Variants in SNX14 observed in about 807,000 individuals in gnomAD.
The protein encoded by SNX14 is sorting nexin 14, also known as sorting nexin-14.
SNX14 carries 93 observed loss-of-function variants against 133.8 expected under a neutral mutation model. The observed-to-expected ratio is 0.70, with a 90% CI of 0.59 to 0.83. The LOEUF (loss-of-function observed/expected upper bound fraction) is 0.83, where lower values mean the gene tolerates loss of function less well. Ranked by LOEUF, SNX14 falls within the 40% of genes least tolerant of loss-of-function variation. SNX14 has a pLI of 0.00. For synonymous variants in SNX14, 368 were observed against 365.6 expected, an observed-to-expected ratio of 1.01 and a Z score of -0.07; for missense variants, 945 against 1,094.9, an observed-to-expected ratio of 0.86 and a Z score of 1.93.
intron 26 of SNX14, chr6:85,508,316 G>T (rs1771469635): frequency 4.1e-6 from 4 of 978,894 alleles, no homozygotes; most frequent in Non-Finnish European, 3.7e-6. Context: ...GAGAAATGCT[G>T]CAGTAAAAAA....
At chr6:85,591,437 T>G (rs990092075) in intron 1 of SNX14, among the ~76,000 whole-genome samples, 1 of 152,134 alleles carries the variant, frequency 6.6e-6, no homozygotes, top group Non-Finnish European at 1.5e-5. Context: ...CCAAAACATA[T>G]GCAAAAACAG....
At position 85,514,579 on chromosome 6, in the gene SNX14, C is replaced by T. The variant is rs1396775083; in HGVS notation, c.2319G>A (p.Glu773=). The change falls in exon 24 of 29, where the codon GAG becomes GAA. Residue 773 remains glutamate, a synonymous_variant. Coordinates refer to ENST00000314673, the MANE Select transcript of SNX14 (RefSeq NM_153816.6). The part of the protein sequence containing the change: ...KNNANRAENT[E]RKQNQNYFME... The stretch of plus-strand genomic sequence containing the variant: ...TAAAATAATTCTGATTTTGCTTTCT[C>T]TCTGTATTTTCAGCACGGTTTGCAT... The T allele has an allele frequency of 9.9e-6, 16 of 1,613,096 alleles. No individual in the cohort carries two copies. Among genetic ancestry groups the T allele is most frequent in the Admixed American group, 1.7e-5 (1 of 59,998 alleles).
intron 27 of SNX14, 34 bp downstream of exon 27, chr6:85,507,934 C>A (rs778837299): frequency 3.2e-6 from 5 of 1,581,522 alleles, no homozygotes; most frequent in Non-Finnish European, 4.3e-6. Flanking sequence ...CCAAACCTAG[C>A]CAGCATGAGT....
intron 17 of SNX14, 110 bp downstream of exon 17, chr6:85,536,682 A>G (rs9450293): frequency 0.021 from 21,179 of 1,026,172 alleles, 263 homozygotes; most frequent in Middle Eastern, 0.034. Context: ...GTAAAGTATT[A>G]AACAGAATAC....
At chr6:85,562,531 T>C (rs1216366146) in intron 6 of SNX14, among the ~76,000 whole-genome samples, 1 of 152,070 alleles carries the variant, frequency 6.6e-6, no homozygotes, top group Non-Finnish European at 1.5e-5. Context: ...TCTTTTCAGT[T>C]TTACTTTTTA....
chr6:85,539,084 A>G (rs934131873), intron 15 of SNX14, among the ~76,000 whole-genome samples: 1 of 152,218 alleles, frequency 6.6e-6, no homozygotes, highest in Non-Finnish European at 1.5e-5. Context: ...TGAAGTCTAC[A>G]TTACTAAAAA....
intron 16 of SNX14, among the ~76,000 whole-genome samples, chr6:85,538,490 T>TA (rs1444747597): frequency 3.9e-5 from 6 of 152,138 alleles, no homozygotes; most frequent in Non-Finnish European, 8.8e-5. Context: ...ATACTTATTT[T>TA]AAAAAAAGTT....
chr6:85,548,210 A>G (rs748595343), intron 9 of SNX14, 91 bp downstream of exon 9: 4 of 878,362 alleles, frequency 4.6e-6, no homozygotes, highest in Non-Finnish European at 7.1e-6. Context: ...TGTTTTCAGT[A>G]TCACTGACTA....
At chr6:85,579,059 AC>A (rs1034552086) in intron 1 of SNX14, among the ~76,000 whole-genome samples, 44 of 152,036 alleles carry the variant, frequency 2.9e-4, no homozygotes, top group African/African-American at 1.1e-3. Context: ...AATCATTTGA[AC>A]CCAGGAGGCA....
rs13218969 is a variant in SNX14, at chr6:85,520,033, T to C, written c.2108-1985A>G. Among the ~76,000 whole-genome samples the C allele has an allele frequency of 1.5e-3, 222 of 151,870 alleles. 1 individual carries two copies. The highest frequency in any genetic ancestry group is 0.014 in the Middle Eastern group (4 of 294). On this transcript the variant is annotated intron_variant, in intron 21 of 28. Transcript: ENST00000314673. ...TTTTATACAGTAGTAGTAGTAGTAG[T>C]AGTAGTAGCAGTAGTAGTAGTAGTA...
intron 7 of SNX14, among the ~76,000 whole-genome samples, chr6:85,556,098 G>A (rs1355333740): frequency 6.6e-6 from 1 of 152,110 alleles, no homozygotes; most frequent in Non-Finnish European, 1.5e-5. Context: ...AATGTAAGAT[G>A]TTAATACTAG....
chr6:85,514,058 G>A lies in SNX14; in HGVS notation c.2557+12C>T, dbSNP rs778751594. 8.1e-6 allele frequency: 13 copies of A among 1,595,954 alleles called. No individual in the cohort carries two copies. Among genetic ancestry groups the A allele is most frequent in the Non-Finnish European group, 1.0e-5 (12 of 1,174,270 alleles). On this transcript the variant is annotated intron_variant, in intron 25 of 28. Transcript: ENST00000314673. Reference sequence around the variant, plus strand: ...CACAAAATATGAAACAAACACATTAGAAAATACAAACCTCTGAGAAGTGTT... The same window carrying A: ...CACAAAATATGAAACAAACACATTAAAAAATACAAACCTCTGAGAAGTGTT...
intron 12 of SNX14, among the ~76,000 whole-genome samples, chr6:85,544,628 G>C (rs1784905207): frequency 6.6e-6 from 1 of 152,192 alleles, no homozygotes; most frequent in African/African-American, 2.4e-5. Context: ...GTGAGACTCA[G>C]TCTCTACAAA....
chr6:85,558,042 T>A lies in SNX14; in HGVS notation c.568A>T (p.Ile190Leu). 2 of 1,567,212 alleles carry A rather than the reference T, an allele frequency of 1.3e-6. No individual in the cohort carries two copies. The highest frequency in any genetic ancestry group is 1.7e-6 in the Non-Finnish European group (2 of 1,143,580). Reference sequence around the variant, plus strand: ...GCTGCTTTTAATAGTTTCTTGGTTATAATAGATGGAATATCCACCTAGAAA... The same window carrying A: ...GCTGCTTTTAATAGTTTCTTGGTTAAAATAGATGGAATATCCACCTAGAAA... ...RIHKVDIPSI[I>L]TKKLLKAAMK... Residue 190 changes from isoleucine (I) to leucine (L), a missense_variant, in exon 7 of 29, where the codon ATA becomes TTA. This residue lies in a region of SNX14 where 514 missense variants were observed against 538.8 expected (regional missense o/e 0.95). Coordinates refer to ENST00000314673, the MANE Select transcript of SNX14 (RefSeq NM_153816.6).
rs368963076 is a variant in SNX14, at chr6:85,582,458, A to C, written c.141-8080T>G. Reference sequence around the variant, plus strand: ...ACTGAAGGAGATAGAGACACACACAAAAAAAACCTTCAAAAAAGCAATGGA... The same window carrying C: ...ACTGAAGGAGATAGAGACACACACACAAAAAACCTTCAAAAAAGCAATGGA... On this transcript the variant is annotated intron_variant, in intron 1 of 28. Transcript: ENST00000314673. 4.1e-4 allele frequency among the ~76,000 whole-genome samples: 62 copies of C among 150,938 alleles called. 1 individual carries two copies. The East Asian group carries it at 4.4e-3, about 11-fold the overall frequency.
intron 17 of SNX14, among the ~76,000 whole-genome samples, chr6:85,535,862 C>T (rs562705718): frequency 6.6e-6 from 1 of 152,228 alleles, no homozygotes; most frequent in Admixed American, 6.5e-5. Context: ...GTACTAAACA[C>T]CCCTTTTATA....
At chr6:85,524,460 TGAG>T (rs1376339942) in intron 21 of SNX14, among the ~76,000 whole-genome samples, 2 of 152,036 alleles carry the variant, frequency 1.3e-5, no homozygotes. Flanking sequence ...TCAAGAAGAC[TGAG>T]GAGTGAGATG....
intron 1 of SNX14, among the ~76,000 whole-genome samples, chr6:85,587,105 C>T (rs113987455): frequency 0.011 from 1,675 of 151,830 alleles, 16 homozygotes; most frequent in Non-Finnish European, 0.018. Context: ...ATCTCCAACT[C>T]CTGGCCTCAA....
chr6:85,555,393 T>A (rs1023312982), intron 7 of SNX14, among the ~76,000 whole-genome samples: 1 of 152,264 alleles, frequency 6.6e-6, no homozygotes, highest in South Asian at 2.1e-4. Context: ...GGAAAATAAC[T>A]GAGTAGTAAA....
Sources: gnomAD v4.1 joint callset for allele counts (sites outside exome capture counted in the v4.1 genomes callset) on GRCh38, gnomAD v4.1.1 for gene constraint, gnomAD v4.1.1 regional missense constraint, MANE v1.5 for transcripts, NCBI Gene and HGNC (gene_info 2026-07-23, HGNC 2026-07-21) for gene names.